Variants in TPD52L2 observed in about 807,000 individuals in gnomAD.
The protein encoded by TPD52L2 is TPD52 like 2.
In TPD52L2, 19 loss-of-function variants were observed where a neutral mutation model predicts 24.7. That is an observed-to-expected ratio of 0.77 (90% CI 0.54 to 1.13). TPD52L2 has a LOEUF of 1.13. Among genes scored for constraint, TPD52L2 ranks in the 50% most tolerant of loss-of-function variants. The pLI is 0.00. For missense variants in TPD52L2, 236 were observed against 250.4 expected, an observed-to-expected ratio of 0.94 and a Z score of 0.39; for synonymous variants, 104 against 100.2, an observed-to-expected ratio of 1.04 and a Z score of -0.23.
rs193080333 is a variant in TPD52L2, at chr20:63,888,813, C to T, written c.477-377C>T. 1.4e-4 allele frequency: 38 copies of T among 266,008 alleles called. No homozygotes were observed. The Admixed American group carries it at 1.7e-3, about 12-fold the overall frequency. The allele number at this position is 266,008 out of a possible 1,614,324, so 16.5% of individuals were successfully genotyped here. On this transcript the variant is annotated intron_variant, in intron 5 of 6. Coordinates refer to ENST00000346249, the MANE Select transcript of TPD52L2 (RefSeq NM_003288.4). ...CCTCAGTACGAGAGCCCGGGGTGTC[C>T]CTGTAGGGGACAGCAGAGAGGGGCC...
chr20:63,873,414 G>A (rs2052540784), intron 2 of TPD52L2, among the ~76,000 whole-genome samples: 1 of 151,418 alleles, frequency 6.6e-6, no homozygotes, highest in Non-Finnish European at 1.5e-5. Flanking sequence ...ACTTGAATCT[G>A]AAAGGCAGAG....
intron 1 of TPD52L2, 90 bp downstream of exon 1, chr20:63,865,474 C>G (rs1054136847): frequency 6.9e-7 from 1 of 1,456,382 alleles, no homozygotes; most frequent in Admixed American, 2.4e-5. Flanking sequence ...GACTCTCTGT[C>G]CTCTCGGTCT....
At chr20:63,875,002 C>T (rs1300037603) in intron 3 of TPD52L2, among the ~76,000 whole-genome samples, 4 of 151,938 alleles carry the variant, frequency 2.6e-5, no homozygotes, top group African/African-American at 9.7e-5. Context: ...TTTAGCTGGG[C>T]GTGGTGGTGC....
At position 63,889,932 on chromosome 20, in the gene TPD52L2, C is replaced by G; in HGVS notation, c.608C>G (p.Pro203Arg). The change falls in exon 7 of 7, where the codon CCC (proline) becomes CGC (arginine). Residue 203 changes from proline (P) to arginine (R), a missense_variant. Coordinates refer to ENST00000346249, the MANE Select transcript of TPD52L2 (RefSeq NM_003288.4). Reference sequence around the variant, plus strand: ...AGTGGTGACAAGCCCCTGTCGGATCCCGCACCTTTCTAAGCCTGTGGTTGC... The same window carrying G: ...AGTGGTGACAAGCCCCTGTCGGATCGCGCACCTTTCTAAGCCTGTGGTTGC... ...AGSGDKPLSD[P>R]APF 2 of 1,614,168 alleles carry G rather than the reference C, an allele frequency of 1.2e-6. No individual in the cohort carries two copies. Among genetic ancestry groups the G allele is most frequent in the Non-Finnish European group, 1.7e-6 (2 of 1,180,040 alleles).
chr20:63,885,885 C>T, intron 5 of TPD52L2: 1 of 897,550 alleles, frequency 1.1e-6, no homozygotes, highest in Admixed American at 1.7e-5. Flanking sequence ...CCTGGAGGGT[C>T]TTCCCCTGCT....
At chr20:63,865,688 C>T (rs943019165) in intron 1 of TPD52L2, among the ~76,000 whole-genome samples, 5 of 152,184 alleles carry the variant, frequency 3.3e-5, no homozygotes, top group African/African-American at 1.2e-4. Context: ...CTGTCGCTCC[C>T]AGCAGGTCTC....
At chr20:63,879,736 C>T (rs2052826505) in intron 4 of TPD52L2, among the ~76,000 whole-genome samples, 1 of 136,176 alleles carries the variant, frequency 7.3e-6, no homozygotes, top group African/African-American at 2.8e-5. Flanking sequence ...CATCCCCACT[C>T]TTTAGGCACA....
At chr20:63,868,988 A>T (rs1568937342) in intron 1 of TPD52L2, among the ~76,000 whole-genome samples, 2 of 152,150 alleles carry the variant, frequency 1.3e-5, no homozygotes, top group Non-Finnish European at 2.9e-5. Context: ...TCTCTGTAGC[A>T]AGGGTTTCCT....
intron 5 of TPD52L2, chr20:63,886,091 G>A (rs2053084186): frequency 1.3e-6 from 2 of 1,598,938 alleles, no homozygotes; most frequent in Admixed American, 1.7e-5. Flanking sequence ...TCTGAATTGG[G>A]GCAGGGTGGA....
intron 2 of TPD52L2, 23 bp from the exon 3 acceptor site, chr20:63,873,645 C>T: frequency 1.2e-6 from 2 of 1,609,944 alleles, no homozygotes; most frequent in Non-Finnish European, 1.7e-6. Context: ...GATGGCTCAT[C>T]ATGTCAACTG....
Position 63,877,904 on chromosome 20 carries a change from G to A in TPD52L2, c.374+2029G>A, listed in dbSNP as rs994892858. ...GGTTTCTGCCGGGACGGCCCAGGCCGAGGGCGATGGTTTCTGGTGGGAAGG... is the reference window on the plus strand; with the variant it reads ...GGTTTCTGCCGGGACGGCCCAGGCCAAGGGCGATGGTTTCTGGTGGGAAGG... On this transcript the variant is annotated intron_variant, in intron 4 of 6. Transcript: ENST00000346249. This position sits in a 1 kb window ranked among gnomAD's most constrained non-coding sequence, Gnocchi z 4.1. Among the ~76,000 whole-genome samples, 3 of 152,264 alleles carry A rather than the reference G, an allele frequency of 2.0e-5. No homozygotes were observed. The highest frequency in any genetic ancestry group is 4.4e-5 in the Non-Finnish European group (3 of 68,046).
At chr20:63,870,956 T>C (rs976532491) in intron 2 of TPD52L2, among the ~76,000 whole-genome samples, 8 of 150,922 alleles carry the variant, frequency 5.3e-5, no homozygotes, top group African/African-American at 1.7e-4. Context: ...GATCTTGTGA[T>C]CCACCCACCT....
intron 3 of TPD52L2, among the ~76,000 whole-genome samples, chr20:63,875,016 C>T (rs912091755): frequency 6.6e-6 from 1 of 151,900 alleles, no homozygotes; most frequent in African/African-American, 2.4e-5. Flanking sequence ...GTGGTGCGCA[C>T]CTGTGATCTC....
chr20:63,882,751 C>T lies in TPD52L2; in HGVS notation c.407C>T (p.Ala136Val), dbSNP rs751368607. The T allele has an allele frequency of 6.2e-7, 1 of 1,614,154 alleles. No homozygotes were observed. Among genetic ancestry groups the T allele is most frequent in the African/African-American group, 1.3e-5 (1 of 75,066 alleles). ...YKKTQETLSQ[A>V]GQKTSAALST... ...AAGACTCAGGAAACTCTTTCACAGG[C>T]AGGACAGAAGACTTCAGCTGCCCTG... The change falls in exon 5 of 7, where the codon GCA (alanine) becomes GTA (valine). Residue 136 changes from alanine (A) to valine (V), a missense_variant. Transcript: ENST00000346249.
rs6122037 is a variant in TPD52L2 at position 63,865,361 on chromosome 20, C to T, written c.-5C>T. On this transcript the variant is annotated 5_prime_UTR_variant, in exon 1 of 7. Coordinates refer to ENST00000346249, the MANE Select transcript of TPD52L2 (RefSeq NM_003288.4). Reference sequence around the variant, plus strand: ...CCGCGACAGCGGTCCGGACGCCGCCCGAACATGGACTCCGCCGGCCAAGGT... The same window carrying T: ...CCGCGACAGCGGTCCGGACGCCGCCTGAACATGGACTCCGCCGGCCAAGGT... 1.0e-5 allele frequency: 16 copies of T among 1,527,776 alleles called. No homozygotes were observed. In the Admixed American group the frequency reaches 1.6e-4, roughly 15 times the overall value. The allele number at this position is 1,527,776 out of a possible 1,614,324, so 94.6% of individuals were successfully genotyped here. A position where few individuals can be genotyped will look rare whatever the true frequency, so the allele number is the denominator to read the frequency against.
At chr20:63,870,722 GT>G (rs550015438) in intron 2 of TPD52L2, among the ~76,000 whole-genome samples, 75 of 109,204 alleles carry the variant, frequency 6.9e-4, no homozygotes, top group Admixed American at 8.1e-4. Context: ...GATGGGGTTT[GT>G]TTTTTTTTTT....
intron 1 of TPD52L2, 125 bp downstream of exon 1, chr20:63,865,509 C>T (rs1403191980): frequency 2.4e-6 from 3 of 1,275,948 alleles, no homozygotes; most frequent in Non-Finnish European, 3.1e-6. Flanking sequence ...CGCGGCCCCT[C>T]TTCAGCTCCC....
At chr20:63,866,088 ATTTCTTTCTTTC>A (rs376658976) in intron 1 of TPD52L2, among the ~76,000 whole-genome samples, 5 of 151,582 alleles carry the variant, frequency 3.3e-5, no homozygotes, top group Admixed American at 3.3e-4. Flanking sequence ...GGGATGCTAA[ATTTCTTTCTTTC>A]TTTCTTTCTT....
At chr20:63,880,693 A>C (rs2052860247) in intron 4 of TPD52L2, among the ~76,000 whole-genome samples, 1 of 151,808 alleles carries the variant, frequency 6.6e-6, no homozygotes, top group Non-Finnish European at 1.5e-5. Flanking sequence ...GATCGAGACC[A>C]TCCTGGCTAA....
Sources: gnomAD v4.1 joint callset for allele counts (sites outside exome capture counted in the v4.1 genomes callset) on GRCh38, gnomAD v4.1.1 for gene constraint, Gnocchi (gnomAD v3.1) non-coding constraint, MANE v1.5 for transcripts, NCBI Gene and HGNC (gene_info 2026-07-23, HGNC 2026-07-21) for gene names.